CFDP1: variants seen among roughly 807,000 people sequenced by gnomAD.
CFDP1 encodes the protein chromatin remodeling protein CFDP1, also known as heterochromatin-stabilizing protein CFDP1.
In CFDP1, 31 loss-of-function variants were observed where a neutral mutation model predicts 40.1. That is an observed-to-expected ratio of 0.77 (90% CI 0.58 to 1.04). The LOEUF is 1.04. CFDP1 is among the 50% of genes least tolerant of loss of function. The pLI is 0.00. For synonymous variants in CFDP1, 167 were observed against 120.0 expected, an observed-to-expected ratio of 1.39 and a Z score of -2.56; for missense variants, 423 against 343.4, an observed-to-expected ratio of 1.23 and a Z score of -1.83.
chr16:75,378,628 GGTGTAAAACTGACGAT>G (rs1163867417), intron 5 of CFDP1, among the ~76,000 whole-genome samples: 1 of 152,068 alleles, frequency 6.6e-6, no homozygotes, highest in African/African-American at 2.4e-5. Flanking sequence ...TGGAGACTAA[GGTGTAAAACTGACGAT>G]GAGGGAGTAT....
intron 5 of CFDP1, among the ~76,000 whole-genome samples, chr16:75,346,582 CAAAAAAAAAAAAAAAAAAAAAAAAAAAA>C (rs748081401): frequency 3.4e-5 from 2 of 59,328 alleles, no homozygotes; most frequent in Admixed American, 2.4e-4. Context: ...GACTCTGTCT[CAAAAAAAAAAAAAAAAAAAAAAAAAAAA>C]AAAAAGAGTA....
chr16:75,425,453 T>C (rs1438361121), intron 1 of CFDP1, among the ~76,000 whole-genome samples: 1 of 150,918 alleles, frequency 6.6e-6, no homozygotes, highest in African/African-American at 2.4e-5. Flanking sequence ...CCAAAACTAT[T>C]TTGAAAAAGA....
intron 4 of CFDP1, among the ~76,000 whole-genome samples, chr16:75,399,711 G>C (rs570939871): frequency 2.8e-4 from 43 of 152,104 alleles, no homozygotes; most frequent in African/African-American, 1.0e-3. Flanking sequence ...GCCAGGTGCA[G>C]TAGCTCGGGC....
Position 75,349,650 on chromosome 16 carries a change from C to CAAAAAAAA in CFDP1, c.651-44476_651-44469dup, listed in dbSNP as rs61472076. On this transcript the variant is annotated intron_variant, in intron 5 of 6. Transcript: ENST00000283882. ...TGGGCGACAGAGCGAGACTCCGTCT[C>CAAAAAAAA]AAAAAAAAAAAAAAAAAAAAAAAAA... Among the ~76,000 whole-genome samples the CAAAAAAAA allele has an allele frequency of 8.6e-5, 2 of 23,244 alleles. 1 individual carries two copies. Among genetic ancestry groups the CAAAAAAAA allele is most frequent in the Non-Finnish European group, 1.7e-4 (2 of 11,862 alleles). 15.2% of individuals were successfully genotyped at this position (23,244 alleles called of 152,430 possible).
At chr16:75,424,912 A>G (rs573048902) in intron 1 of CFDP1, among the ~76,000 whole-genome samples, 2 of 152,350 alleles carry the variant, frequency 1.3e-5, no homozygotes, top group Admixed American at 6.5e-5. Context: ...GTTTCTATTC[A>G]CATTTGACAT....
In CFDP1 at chr16:75,412,704, G is replaced by A. The variant is rs760163261; in HGVS notation, c.233C>T (p.Ala78Val). The A allele has an allele frequency of 6.2e-7, 1 of 1,613,838 alleles. No individual in the cohort carries two copies. Among genetic ancestry groups the A allele is most frequent in the South Asian group, 1.1e-5 (1 of 91,074 alleles). ...ACTGCTTCCCTCAGATTCTGAATTG[G>A]CATCCTCCTCTTCCTCTTCTTCTAA... The part of the protein sequence containing the change: ...LSLEEEEEED[A>V]NSESEGSSSE... The change falls in exon 3 of 7, where the codon GCC becomes GTC. Residue 78 changes from alanine (A) to valine (V), a missense_variant. Ala to Val is a moderately conservative substitution (Grantham distance 64). Coordinates refer to ENST00000283882, the MANE Select transcript of CFDP1 (RefSeq NM_006324.3).
chr16:75,407,534 G>C (rs917532896), intron 4 of CFDP1, among the ~76,000 whole-genome samples: 1 of 151,398 alleles, frequency 6.6e-6, no homozygotes, highest in Non-Finnish European at 1.5e-5. Context: ...TTAAAAGTTA[G>C]ATGGGCAAGG....
At chr16:75,340,246 T>A (rs1295263510) in intron 5 of CFDP1, among the ~76,000 whole-genome samples, 1 of 152,164 alleles carries the variant, frequency 6.6e-6, no homozygotes, top group Admixed American at 6.5e-5. Context: ...CCCTGGAGCC[T>A]CCTTCAAATT....
At chr16:75,298,291 C>T (rs1484754757) in intron 6 of CFDP1, among the ~76,000 whole-genome samples, 1 of 152,172 alleles carries the variant, frequency 6.6e-6, no homozygotes, top group African/African-American at 2.4e-5. Flanking sequence ...TATCTGGGAA[C>T]CCACCCTGCA....
At chr16:75,386,251 G>C (rs2078897001) in intron 5 of CFDP1, among the ~76,000 whole-genome samples, 1 of 152,170 alleles carries the variant, frequency 6.6e-6, no homozygotes, top group South Asian at 2.1e-4. Flanking sequence ...GCTGCTATGT[G>C]TAAATAAAGT....
chr16:75,322,682 T>C (rs112072214), intron 5 of CFDP1, among the ~76,000 whole-genome samples: 2,249 of 152,146 alleles, frequency 0.015, 31 homozygotes, highest in African/African-American at 0.029. Context: ...TTTTGAGCAC[T>C]GACATGACAC....
intron 5 of CFDP1, among the ~76,000 whole-genome samples, chr16:75,344,182 A>C (rs1259690246): frequency 6.6e-6 from 1 of 152,244 alleles, no homozygotes; most frequent in Non-Finnish European, 1.5e-5. Context: ...TCTGAAGCTG[A>C]TGAAAAGCTT....
At chr16:75,300,856 G>A (rs1270803601) in intron 6 of CFDP1, among the ~76,000 whole-genome samples, 1 of 152,002 alleles carries the variant, frequency 6.6e-6, no homozygotes, top group African/African-American at 2.4e-5. Flanking sequence ...GCTTTCCTGG[G>A]GAGGAAGAGA....
At chr16:75,418,166 T>C (rs914439429) in intron 1 of CFDP1, among the ~76,000 whole-genome samples, 1 of 145,400 alleles carries the variant, frequency 6.9e-6, no homozygotes, top group African/African-American at 2.5e-5. Flanking sequence ...GGCAGGAGAA[T>C]TGCTTGAACC....
At chr16:75,366,050 GA>G (rs2078711620) in intron 5 of CFDP1, among the ~76,000 whole-genome samples, 1 of 152,116 alleles carries the variant, frequency 6.6e-6, no homozygotes, top group Non-Finnish European at 1.5e-5. Context: ...CCTAGAAAAT[GA>G]AAACATGTCC....
intron 5 of CFDP1, among the ~76,000 whole-genome samples, chr16:75,390,024 C>T (rs568311163): frequency 1.3e-5 from 2 of 152,346 alleles, no homozygotes; most frequent in African/African-American, 4.8e-5. Flanking sequence ...AGGACTTTTA[C>T]TCAGGCACTT....
At chr16:75,320,101 G>C (rs1176567566) in intron 5 of CFDP1, among the ~76,000 whole-genome samples, 1 of 152,186 alleles carries the variant, frequency 6.6e-6, no homozygotes, top group Non-Finnish European at 1.5e-5. Context: ...AAGAGAAAAC[G>C]GTAAGTAGAG....
chr16:75,371,771 T>C (rs2078753273), intron 5 of CFDP1, among the ~76,000 whole-genome samples: 1 of 152,230 alleles, frequency 6.6e-6, no homozygotes, highest in Non-Finnish European at 1.5e-5. Flanking sequence ...TTTCATTTAG[T>C]AGGAAGAGGA....
At chr16:75,312,590 G>A (rs543195227) in intron 5 of CFDP1, among the ~76,000 whole-genome samples, 91 of 152,172 alleles carry the variant, frequency 6.0e-4, no homozygotes, top group African/African-American at 2.0e-3. Flanking sequence ...TCTTTATAAC[G>A]TGTGTCTAAA....
Sources: allele counts gnomAD v4.1 joint callset (sites outside exome capture counted in the v4.1 genomes callset), GRCh38; gene constraint gnomAD v4.1.1; transcripts MANE v1.5; gene names NCBI Gene and HGNC (gene_info 2026-07-23, HGNC 2026-07-21).